The following LY86 variants were observed in gnomAD, a reference collection of about 807,000 sequenced individuals.
LY86 encodes MD-1, RP105-associated.
A neutral mutation model predicts 17.3 loss-of-function variants in LY86; 20 were observed. The observed-to-expected ratio is 1.15, with a 90% confidence interval of 0.81 to 1.68. The LOEUF is 1.68. Among genes scored for constraint, LY86 ranks in the 40% most tolerant of loss-of-function variants. The pLI is 0.00. For synonymous variants in LY86, 74 were observed against 70.6 expected, an observed-to-expected ratio of 1.05 and a Z score of -0.24; for missense variants, 200 against 191.9, an observed-to-expected ratio of 1.04 and a Z score of -0.25.
In LY86 at chr6:6,654,710, A is replaced by G; in HGVS notation, c.*83A>G. The G allele has an allele frequency of 1.7e-6, 2 of 1,197,108 alleles. No individual in the cohort carries two copies. Among genetic ancestry groups the G allele is most frequent in the Admixed American group, 3.6e-5 (2 of 55,222 alleles). The allele number at this position is 1,197,108 out of a possible 1,614,324, so 74.2% of individuals were successfully genotyped here. On this transcript the variant is annotated 3_prime_UTR_variant, in exon 5 of 5. Coordinates refer to ENST00000230568, the MANE Select transcript of LY86 (RefSeq NM_004271.4). ...CTGACTGAACCTACTGTGGGAGGAG[A>G]AGCAGCTGATGACAGAGAGAGGCTC...
intron 3 of LY86, among the ~76,000 whole-genome samples, chr6:6,639,493 G>A (rs1203864611): frequency 1.3e-5 from 2 of 152,216 alleles, no homozygotes; most frequent in African/African-American, 4.8e-5. Context: ...CAGAAAGCTA[G>A]CATCAAAGTA....
chr6:6,600,016 A>C (rs1454053626), intron 1 of LY86, among the ~76,000 whole-genome samples: 2 of 152,202 alleles, frequency 1.3e-5, no homozygotes, highest in Non-Finnish European at 2.9e-5. Flanking sequence ...CCCTCCTCTT[A>C]GGGCAATTTC....
intron 3 of LY86, among the ~76,000 whole-genome samples, chr6:6,644,159 T>G (rs1679774677): frequency 6.6e-6 from 1 of 152,200 alleles, no homozygotes; most frequent in African/African-American, 2.4e-5. Context: ...GGGAGAGGGT[T>G]GCCTAAAAGA....
At chr6:6,613,545 G>A (rs922244673) in intron 1 of LY86, among the ~76,000 whole-genome samples, 7 of 152,142 alleles carry the variant, frequency 4.6e-5, no homozygotes, top group Non-Finnish European at 7.4e-5. Context: ...CTCCGAGTGC[G>A]GGGCCCGCCG....
intron 1 of LY86, chr6:6,591,452 C>T (rs1760527888): frequency 6.5e-6 from 1 of 153,742 alleles, no homozygotes; most frequent in Non-Finnish European, 1.5e-5. Context: ...ACATAGTAGT[C>T]AGACGATGGT....
Position 6,636,871 on chromosome 6 carries a change from C to T in LY86, c.352+10450C>T, listed in dbSNP as rs1158197092. 4.9e-5 allele frequency among the ~76,000 whole-genome samples: 7 copies of T among 143,250 alleles called. No homozygotes were observed. The East Asian group carries it at 6.2e-4, about 13-fold the overall frequency. The allele number at this position is 143,250 out of a possible 152,430, so 94.0% of individuals were successfully genotyped here. On this transcript the variant is annotated intron_variant, in intron 3 of 4. Coordinates refer to ENST00000230568, the MANE Select transcript of LY86 (RefSeq NM_004271.4). ...ACAATGGTTTACTTATTGCATTAGC[C>T]GAACTCCTACCCTCGAACTGCAAAA... is the stretch of plus-strand genomic sequence containing the variant.
At position 6,626,321 on chromosome 6, in the gene LY86, C is replaced by T. The variant is rs768991746; in HGVS notation, c.252C>T (p.Asp84=). The part of the protein sequence containing the change: ...LREDIKELFL[D]LALMSQGSSV... ...AGGACATCAAAGAGCTTTTTCTTGA[C>T]CTAGCTCTCATGTCTCAAGGCTCAT... Residue 84 remains aspartate (D), a synonymous_variant, in exon 3 of 5, where the codon GAC becomes GAT. Coordinates refer to ENST00000230568, the MANE Select transcript of LY86 (RefSeq NM_004271.4). 10 of 1,613,850 alleles carry T rather than the reference C, an allele frequency of 6.2e-6. No homozygotes were observed. The South Asian group carries it at 8.8e-5, about 14-fold the overall frequency.
chr6:6,589,397 C>G (rs1436997610), intron 1 of LY86, among the ~76,000 whole-genome samples: 1 of 152,340 alleles, frequency 6.6e-6, no homozygotes, highest in South Asian at 2.1e-4. Flanking sequence ...ACTTCGCATG[C>G]AGCTATCAAT....
At chr6:6,607,949 G>A (rs1251362854) in intron 1 of LY86, among the ~76,000 whole-genome samples, 1 of 151,980 alleles carries the variant, frequency 6.6e-6, no homozygotes, top group Non-Finnish European at 1.5e-5. Context: ...AGATATAAAT[G>A]GACTATATTA....
intron 3 of LY86, among the ~76,000 whole-genome samples, chr6:6,642,687 T>C (rs1034802267): frequency 6.6e-6 from 1 of 152,146 alleles, no homozygotes; most frequent in African/African-American, 2.4e-5. Context: ...AAGGACTACA[T>C]CCTCGAGGGT....
chr6:6,612,398 G>C (rs1298259175), intron 1 of LY86, among the ~76,000 whole-genome samples: 1 of 152,190 alleles, frequency 6.6e-6, no homozygotes, highest in African/African-American at 2.4e-5. Context: ...TTCCCCCAGT[G>C]GGTACCTAGT....
At chr6:6,615,879 A>G (rs555173283) in intron 1 of LY86, among the ~76,000 whole-genome samples, 80 of 152,312 alleles carry the variant, frequency 5.3e-4, no homozygotes, top group African/African-American at 1.9e-3. Flanking sequence ...ATAATACAAA[A>G]AAGATGTATG....
At chr6:6,640,477 C>A (rs932784056) in intron 3 of LY86, among the ~76,000 whole-genome samples, 12 of 151,836 alleles carry the variant, frequency 7.9e-5, no homozygotes, top group African/African-American at 2.9e-4. Flanking sequence ...CCAGCAGCTA[C>A]AGAGGCTGCG....
intron 3 of LY86, among the ~76,000 whole-genome samples, chr6:6,647,296 C>A (rs1382647796): frequency 2.6e-5 from 4 of 152,228 alleles, no homozygotes; most frequent in Non-Finnish European, 4.4e-5. Flanking sequence ...TCTTCAATCT[C>A]TCTTTCTACA....
At chr6:6,626,513 C>G in intron 3 of LY86, 92 bp downstream of exon 3, 1 of 1,431,252 alleles carries the variant, frequency 7.0e-7, no homozygotes, top group Non-Finnish European at 9.6e-7. Flanking sequence ...GACCAGAGCT[C>G]TGTCTCTGCC....
intron 1 of LY86, among the ~76,000 whole-genome samples, chr6:6,606,750 G>A (rs923204763): frequency 6.6e-6 from 1 of 152,230 alleles, no homozygotes; most frequent in East Asian, 1.9e-4. Context: ...CGCCCACCCG[G>A]AACTCGCGCT....
intron 1 of LY86, among the ~76,000 whole-genome samples, chr6:6,614,031 A>G (rs556705890): frequency 6.6e-6 from 1 of 152,334 alleles, no homozygotes; most frequent in South Asian, 2.1e-4. Flanking sequence ...CCCTAAAAGA[A>G]TAAGTTGTTA....
intron 1 of LY86, among the ~76,000 whole-genome samples, chr6:6,592,646 A>G (rs901733478): frequency 2.0e-5 from 3 of 152,240 alleles, no homozygotes; most frequent in African/African-American, 7.2e-5. Flanking sequence ...TGATTAGATC[A>G]TGAGAATGGA....
In LY86 at chr6:6,596,172, G is replaced by C. The variant is rs147250369; in HGVS notation, c.136+7302G>C. On this transcript the variant is annotated intron_variant, in intron 1 of 4. Transcript: ENST00000230568. ...AATCATCCATCAAAGTGGCCAAACG[G>C]GACAATTAATCAGACTTGAAGAATG... is the stretch of plus-strand genomic sequence containing the variant. Among the ~76,000 whole-genome samples, 72 of 152,290 alleles carry C rather than the reference G, an allele frequency of 4.7e-4. 2 individuals carry two copies. The East Asian group carries it at 0.011, about 24-fold the overall frequency.
Sources: allele counts gnomAD v4.1 joint callset (sites outside exome capture counted in the v4.1 genomes callset), GRCh38; gene constraint gnomAD v4.1.1; transcripts MANE v1.5; gene names NCBI Gene and HGNC (gene_info 2026-07-23, HGNC 2026-07-21).